Variants in SMARCC2 observed in about 807,000 individuals in gnomAD.
SMARCC2 encodes SWI/SNF related BAF chromatin remodeling complex subunit C2, also known as SWI/SNF complex subunit SMARCC2.
A neutral mutation model predicts 151.3 loss-of-function variants in SMARCC2; 15 were observed. That is an observed-to-expected ratio of 0.10 (90% CI 0.07 to 0.15). SMARCC2 has a LOEUF of 0.15. Ranked by LOEUF, SMARCC2 falls within the 10% of genes least tolerant of loss-of-function variation. The pLI is 1.00. For synonymous variants in SMARCC2, 590 were observed against 609.5 expected (o/e 0.97, Z 0.47); for missense variants, 1,031 against 1,599.7 (o/e 0.64, Z 6.06).
intron 1 of SMARCC2, among the ~76,000 whole-genome samples, chr12:56,188,395 G>A (rs1468839750): frequency 6.6e-6 from 1 of 152,302 alleles, no homozygotes; most frequent in Middle Eastern, 3.4e-3. Context: ...CACTTCTGAC[G>A]AGCTGCAAAG....
chr12:56,177,459 C>T (rs778693191), intron 15 of SMARCC2, among the ~76,000 whole-genome samples: 2 of 152,052 alleles, frequency 1.3e-5, no homozygotes, highest in Non-Finnish European at 2.9e-5. Context: ...GTTGCTCATG[C>T]TATTCTTGAA....
chr12:56,164,233 C>T (rs950031623), intron 28 of SMARCC2, 70 bp downstream of exon 28: 25 of 1,436,226 alleles, frequency 1.7e-5, no homozygotes, highest in Non-Finnish European at 2.3e-5. Flanking sequence ...CTCTTCCCCA[C>T]CTGCCCGCTC....
intron 17 of SMARCC2, among the ~76,000 whole-genome samples, 163 bp from the exon 18 acceptor site, chr12:56,173,192 T>C (rs1022392287): frequency 2.0e-5 from 3 of 152,244 alleles, no homozygotes; most frequent in East Asian, 3.8e-4. Context: ...GTTGGCATGA[T>C]ATCCATACAT....
intron 22 of SMARCC2, 97 bp from the exon 23 acceptor site, chr12:56,170,305 T>G (rs1039763646): frequency 9.0e-7 from 1 of 1,112,132 alleles, no homozygotes; most frequent in African/African-American, 1.5e-5. Flanking sequence ...GGTCTTGCTG[T>G]GTTGCCCAGG....
intron 10 of SMARCC2, 111 bp from the exon 11 acceptor site, chr12:56,181,212 G>T: frequency 9.3e-7 from 1 of 1,078,246 alleles, no homozygotes; most frequent in Non-Finnish European, 1.3e-6. Context: ...GTAGAGCTGA[G>T]TACAAACAGA....
Position 56,164,486 on chromosome 12 carries a change from T to C in SMARCC2, c.3478A>G (p.Thr1160Ala), listed in dbSNP as rs751601548. 3.1e-6 allele frequency: 5 copies of C among 1,612,632 alleles called. No individual in the cohort carries two copies. Among genetic ancestry groups the C allele is most frequent in the Non-Finnish European group, 4.2e-6 (5 of 1,179,692 alleles). Residue 1160 changes from threonine (T) to alanine (A), a missense_variant, in exon 28 of 29, where the codon ACT (threonine) becomes GCT (alanine). Around this residue, in one of 12 missense-constraint regions of SMARCC2, gnomAD observed 310 missense variants for 350.0 expected, o/e 0.89. Transcript: ENST00000550164. ...ACAGGCAGGTTAGGTGGGGGGAGAG[T>C]GCCCGGGGCGAACGGGAGATGGTGG... ...HHHHLPFAPG[T>A]LPPPNLPVSM...
At chr12:56,163,960 A>G (rs1011795083) in intron 28 of SMARCC2, among the ~76,000 whole-genome samples, 195 bp from the exon 29 acceptor site, 1 of 152,182 alleles carries the variant, frequency 6.6e-6, no homozygotes, top group Non-Finnish European at 1.5e-5. Context: ...AAGACTCTCT[A>G]TATGGGGCAT....
rs561682228 is a variant in SMARCC2, at chr12:56,164,028, T to C, written c.3662-263A>G. The stretch of plus-strand genomic sequence containing the variant: ...ACTCAATCATCATGCAAACAGCTGC[T>C]TTTCAAGTTTACAACTGAGATGCTC... On this transcript the variant is annotated intron_variant, in intron 28 of 28. Transcript: ENST00000550164. 1.7e-4 allele frequency among the ~76,000 whole-genome samples: 26 copies of C among 152,318 alleles called. No individual in the cohort carries two copies. In the South Asian group the frequency reaches 5.4e-3, roughly 32 times the overall value.
chr12:56,178,565 C>T (rs1565912424), intron 13 of SMARCC2, 31 bp from the exon 14 acceptor site: 14 of 1,614,072 alleles, frequency 8.7e-6, no homozygotes, highest in Non-Finnish European at 1.1e-5. Context: ...GGACACTCAG[C>T]ATTCCTGCTT....
At chr12:56,183,974 G>A in intron 6 of SMARCC2, 44 bp from the exon 7 acceptor site, 2 of 1,450,078 alleles carry the variant, frequency 1.4e-6, no homozygotes, top group East Asian at 2.3e-5. Flanking sequence ...GCTAAAGGGG[G>A]ACACAAAAAA....
chr12:56,180,918 C>A, intron 11 of SMARCC2, 59 bp downstream of exon 11: 3 of 1,555,650 alleles, frequency 1.9e-6, no homozygotes, highest in South Asian at 1.2e-5. Context: ...TGGGGTTTGG[C>A]AAAGGAGAGT....
chr12:56,171,668 A>AC lies in SMARCC2; in HGVS notation c.2185+10dup. 1.3e-6 allele frequency: 2 copies of AC among 1,531,472 alleles called. No individual in the cohort carries two copies. Among genetic ancestry groups the AC allele is most frequent in the Non-Finnish European group, 1.8e-6 (2 of 1,141,546 alleles). 94.9% of individuals were successfully genotyped at this position (1,531,472 alleles called of 1,614,324 possible). ...CTAAGAAGGCCAGGTGGAACCACCC[A>AC]CCCCCATTACCTAGGGCTGACTTTG... On this transcript the variant is annotated intron_variant, in intron 21 of 28. Transcript: ENST00000550164. This position sits in a 1 kb window ranked among gnomAD's most constrained non-coding sequence, Gnocchi z 4.2.
In SMARCC2 at chr12:56,164,464, G is replaced by A. The variant is rs762632444; in HGVS notation, c.3500C>T (p.Pro1167Leu). The A allele has an allele frequency of 4.3e-6, 7 of 1,614,208 alleles. No homozygotes were observed. The highest frequency in any genetic ancestry group is 5.9e-6 in the Non-Finnish European group (7 of 1,180,042). The change falls in exon 28 of 29, where the codon CCT (proline) becomes CTT (leucine). Residue 1167 changes from proline to leucine, a missense_variant. Transcript: ENST00000550164. Reference protein sequence around the residue: ...APGTLPPPNLPVSMANPLHPN... With the variant: ...APGTLPPPNLLVSMANPLHPN... ...ATGTAGAGGGTTCGCCATGGACACA[G>A]GCAGGTTAGGTGGGGGGAGAGTGCC...
Position 56,171,546 on chromosome 12 carries a change from G to T in SMARCC2, c.2186-114C>A. 6.6e-7 allele frequency: 1 copy of T among 1,515,990 alleles called. No homozygotes were observed. The highest frequency in any genetic ancestry group is 9.0e-7 in the Non-Finnish European group (1 of 1,111,022). The allele number at this position is 1,515,990 out of a possible 1,614,324, so 93.9% of individuals were successfully genotyped here. ...TTCATCTAAGCTAGTATGGAGCCTA[G>T]ACAGGTGCCTGAGCTGAGGCCCGCA... On this transcript the variant is annotated intron_variant, in intron 21 of 28. Coordinates refer to ENST00000550164, the MANE Select transcript of SMARCC2 (RefSeq NM_001330288.2). The surrounding 1 kb of genome is among the most constrained non-coding windows in gnomAD (Gnocchi z 4.2).
At chr12:56,187,874 C>A (rs1273094034) in intron 1 of SMARCC2, among the ~76,000 whole-genome samples, 1 of 152,170 alleles carries the variant, frequency 6.6e-6, no homozygotes, top group Non-Finnish European at 1.5e-5. Flanking sequence ...ATCCACTACC[C>A]AGCCTGATGG....
At chr12:56,180,912 G>C in intron 11 of SMARCC2, 65 bp downstream of exon 11, 1 of 1,536,664 alleles carries the variant, frequency 6.5e-7, no homozygotes, top group Non-Finnish European at 8.8e-7. Flanking sequence ...CTCACTTGGG[G>C]TTTGGCAAAG....
At chr12:56,170,371 T>A (rs1164225715) in intron 22 of SMARCC2, among the ~76,000 whole-genome samples, 163 bp from the exon 23 acceptor site, 1 of 152,186 alleles carries the variant, frequency 6.6e-6, no homozygotes, top group Non-Finnish European at 1.5e-5. Context: ...CCTGAGCAGC[T>A]TGGACTATGG....
At position 56,172,623 on chromosome 12, in the gene SMARCC2, G is replaced by A. The variant is rs764190806; in HGVS notation, c.1825C>T (p.Arg609Cys). 1.9e-6 allele frequency: 3 copies of A among 1,614,060 alleles called. No homozygotes were observed. The highest frequency in any genetic ancestry group is 1.3e-5 in the African/African-American group (1 of 74,916). ...TTCTTTTTTGTGTACATGTCTGTGC[G>A]CAGCCCAAAGTTTTGCATGTCTGTT... ...KPTDMQNFGLRTDMYTKKNVP... is the reference protein window; with the variant it reads ...KPTDMQNFGLCTDMYTKKNVP... Residue 609 changes from arginine to cysteine, a missense_variant, in exon 19 of 29, where the codon CGC becomes TGC. By Grantham distance (180) the Arg-to-Cys change is radical. Transcript: ENST00000550164.
At chr12:56,179,477 T>C (rs754584083) in intron 11 of SMARCC2, among the ~76,000 whole-genome samples, 6 of 152,106 alleles carry the variant, frequency 3.9e-5, no homozygotes, top group African/African-American at 1.4e-4. Flanking sequence ...AGAGAGCTGA[T>C]TGATGAGGAG....
Sources: gnomAD v4.1 joint callset for allele counts (sites outside exome capture counted in the v4.1 genomes callset) on GRCh38, gnomAD v4.1.1 for gene constraint, gnomAD v4.1.1 regional missense constraint, Gnocchi (gnomAD v3.1) non-coding constraint, MANE v1.5 for transcripts, NCBI Gene and HGNC (gene_info 2026-07-23, HGNC 2026-07-21) for gene names.